Variants in PSD3 observed in about 807,000 individuals in gnomAD.
PSD3 encodes the protein pleckstrin and Sec7 domain containing 3.
In PSD3, 49 loss-of-function variants were observed where a neutral mutation model predicts 105.5. The observed-to-expected ratio is 0.46, with a 90% CI of 0.37 to 0.59. PSD3 has a LOEUF of 0.59. Among genes scored for constraint, PSD3 ranks in the 20% least tolerant of loss-of-function variants. The pLI is 0.00. For missense variants in PSD3, 1,561 were observed against 1,263.8 expected (o/e 1.24, Z -3.57); for synonymous variants, 557 against 457.8 (o/e 1.22, Z -2.77).
intron 9 of PSD3, among the ~76,000 whole-genome samples, chr8:18,696,611 T>C (rs1232074496): frequency 6.6e-6 from 1 of 152,218 alleles, no homozygotes; most frequent in Non-Finnish European, 1.5e-5. Context: ...TCCCCAGAAT[T>C]ACAAAGGTCT....
Position 18,532,401 on chromosome 8 carries a change from G to T in PSD3, c.*3342C>A, listed in dbSNP as rs754019979. ...ATTCCTCATGTCACTTTTGCCCAGG[G>T]GCCAGTCCTCATTTTCTAGATTAGG... On this transcript the variant is annotated 3_prime_UTR_variant, in exon 16 of 16. Coordinates refer to ENST00000327040, the MANE Select transcript of PSD3 (RefSeq NM_015310.4). The T allele has an allele frequency of 2.6e-5, 4 of 152,094 alleles. No individual in the cohort carries two copies. The highest frequency in any genetic ancestry group is 2.6e-4 in the Admixed American group (4 of 15,258). The allele number at this position is 152,094 out of a possible 1,614,324, so 9.4% of individuals were successfully genotyped here.
At chr8:18,750,857 C>T (rs1484561370) in intron 9 of PSD3, among the ~76,000 whole-genome samples, 2 of 152,116 alleles carry the variant, frequency 1.3e-5, no homozygotes, top group Non-Finnish European at 2.9e-5. Context: ...ACACAGGGTG[C>T]TGATTGGTGT....
At chr8:18,613,784 C>G (rs1585390025) in intron 11 of PSD3, among the ~76,000 whole-genome samples, 1 of 152,268 alleles carries the variant, frequency 6.6e-6, no homozygotes, top group East Asian at 1.9e-4. Context: ...TGCAAAACAA[C>G]CCAGTACCTT....
chr8:18,549,564 G>A (rs1800646270), intron 15 of PSD3, among the ~76,000 whole-genome samples: 3 of 152,130 alleles, frequency 2.0e-5, no homozygotes, highest in Admixed American at 2.0e-4. Flanking sequence ...CTGGACTCAT[G>A]GATTCCCACA....
At chr8:19,005,678 G>T (rs1826641993) in intron 1 of PSD3, among the ~76,000 whole-genome samples, 1 of 151,720 alleles carries the variant, frequency 6.6e-6, no homozygotes, top group Non-Finnish European at 1.5e-5. Flanking sequence ...CTATTAAAGG[G>T]GTCTCACTCT....
intron 2 of PSD3, among the ~76,000 whole-genome samples, chr8:18,902,139 C>T (rs1218310245): frequency 1.3e-5 from 2 of 152,100 alleles, no homozygotes; most frequent in Non-Finnish European, 2.9e-5. Context: ...ATTAAATATG[C>T]TTTCTATGCT....
intron 12 of PSD3, among the ~76,000 whole-genome samples, chr8:18,595,081 T>C (rs1803988398): frequency 6.6e-6 from 1 of 152,048 alleles, no homozygotes; most frequent in African/African-American, 2.4e-5. Context: ...TAAATATACA[T>C]TAGTGGGAAC....
At chr8:18,652,008 G>A (rs893783482) in intron 10 of PSD3, among the ~76,000 whole-genome samples, 2 of 152,192 alleles carry the variant, frequency 1.3e-5, no homozygotes, top group African/African-American at 4.8e-5. Context: ...AGAATGGCAG[G>A]AGTGAAGAGG....
intron 2 of PSD3, among the ~76,000 whole-genome samples, chr8:18,935,574 G>A (rs1822062324): frequency 1.3e-5 from 2 of 151,468 alleles, no homozygotes; most frequent in Middle Eastern, 3.4e-3. Flanking sequence ...GCATATGCCT[G>A]TAGTCCCAGC....
chr8:18,641,836 T>C (rs1807666040), intron 10 of PSD3, among the ~76,000 whole-genome samples: 1 of 152,160 alleles, frequency 6.6e-6, no homozygotes. Flanking sequence ...ATCATGGGGT[T>C]TCTATTATAC....
chr8:18,579,966 T>A (rs1023321535), intron 12 of PSD3, among the ~76,000 whole-genome samples: 1 of 152,196 alleles, frequency 6.6e-6, no homozygotes, highest in Non-Finnish European at 1.5e-5. Flanking sequence ...CTTGGAGCTA[T>A]GTGGAAATTA....
chr8:18,904,295 C>G (rs1315561728), intron 2 of PSD3, among the ~76,000 whole-genome samples: 1 of 152,152 alleles, frequency 6.6e-6, no homozygotes, highest in African/African-American at 2.4e-5. Flanking sequence ...AGGGATCAAC[C>G]TTATAGACCC....
chr8:18,686,363 T>C (rs990551131), intron 9 of PSD3, among the ~76,000 whole-genome samples: 1 of 152,254 alleles, frequency 6.6e-6, no homozygotes, highest in Non-Finnish European at 1.5e-5. Flanking sequence ...GCATGAAGTA[T>C]ACCAGGAACC....
rs375872604 is a variant in PSD3 at position 18,865,286 on chromosome 8, A to ATTTT, written c.1634+2384_1634+2387dup. 26 of 14,118 alleles carry ATTTT rather than the reference A, an allele frequency of 1.8e-3. 3 individuals are homozygous for ATTTT. The highest frequency in any genetic ancestry group is 4.3e-3 in the South Asian group (1 of 230). 0.9% of individuals were successfully genotyped at this position (14,118 alleles called of 1,614,324 possible). A position where few individuals can be genotyped will look rare whatever the true frequency, so the allele number is the denominator to read the frequency against. ...TATATATATATATATATATATATATATTTTTTTTTTTTTTTTTTTTTTTAA... is the reference window on the plus strand; with the variant it reads ...TATATATATATATATATATATATATATTTTTTTTTTTTTTTTTTTTTTTTTTTAA... On this transcript the variant is annotated intron_variant, in intron 4 of 15. Coordinates refer to ENST00000327040, the MANE Select transcript of PSD3 (RefSeq NM_015310.4).
At chr8:18,610,674 A>G (rs981081858) in intron 11 of PSD3, among the ~76,000 whole-genome samples, 7 of 152,202 alleles carry the variant, frequency 4.6e-5, no homozygotes, top group African/African-American at 1.7e-4. Context: ...ATAGCAACCA[A>G]TGCATATTTT....
chr8:18,915,699 A>C (rs1246202630), intron 2 of PSD3, among the ~76,000 whole-genome samples: 3 of 152,194 alleles, frequency 2.0e-5, no homozygotes, highest in Non-Finnish European at 2.9e-5. Flanking sequence ...AATCTGTTAG[A>C]ATGGCTAATA....
chr8:18,846,375 A>C (rs1815092179), intron 4 of PSD3, among the ~76,000 whole-genome samples: 1 of 152,170 alleles, frequency 6.6e-6, no homozygotes, highest in Non-Finnish European at 1.5e-5. Context: ...GAGGCTTTTG[A>C]AGAAAAATCA....
intron 10 of PSD3, among the ~76,000 whole-genome samples, chr8:18,650,187 C>A (rs9918925): frequency 6.6e-6 from 1 of 151,952 alleles, no homozygotes; most frequent in Admixed American, 6.6e-5. Context: ...TTGTGTTAAT[C>A]GTTGTATTTT....
chr8:18,760,199 A>G (rs1457814024), intron 9 of PSD3, among the ~76,000 whole-genome samples: 2 of 152,140 alleles, frequency 1.3e-5, no homozygotes, highest in South Asian at 2.1e-4. Context: ...GTACACATAC[A>G]TACTGTACAA....
Sources: allele counts gnomAD v4.1 joint callset (sites outside exome capture counted in the v4.1 genomes callset), GRCh38; gene constraint gnomAD v4.1.1; transcripts MANE v1.5; gene names NCBI Gene and HGNC (gene_info 2026-07-23, HGNC 2026-07-21).